Variants in SMIM22 observed in about 807,000 individuals in gnomAD.
SMIM22 encodes cancer associated small integral membrane open reading frame 1.
SMIM22 carries 16 observed loss-of-function variants against 8.4 expected under a neutral mutation model. That is an observed-to-expected ratio of 1.90 (90% CI 1.29 to 2.89). The LOEUF (loss-of-function observed/expected upper bound fraction) is 2.89. SMIM22 is among the 30% of genes most tolerant of loss of function. The pLI is 0.00. For missense variants in SMIM22, 159 were observed against 107.5 expected, an observed-to-expected ratio of 1.48 and a Z score of -2.12; for synonymous variants, 67 against 47.6, an observed-to-expected ratio of 1.41 and a Z score of -1.68.
At position 4,789,159 on chromosome 16, in the gene SMIM22, C is replaced by T. The variant is rs75200618; in HGVS notation, c.-146+388C>T. 9.2e-5 allele frequency among the ~76,000 whole-genome samples: 14 copies of T among 152,198 alleles called. No homozygotes were observed. In the East Asian group the frequency reaches 2.1e-3, roughly 23 times the overall value. ...TCAGCCTCCCAAGTAGCTGGATTAC[C>T]GGTGTGCACCACCACGCTAATTTTG... On this transcript the variant is annotated intron_variant, in intron 2 of 5. Coordinates refer to the SMIM22 transcript ENST00000589327.
Position 4,796,350 on chromosome 16 carries a change from T to C in SMIM22, c.*119T>C, listed in dbSNP as rs1209105138. The C allele has an allele frequency of 3.4e-6, 4 of 1,162,018 alleles. No individual in the cohort carries two copies. Among genetic ancestry groups the C allele is most frequent in the African/African-American group, 3.1e-5 (2 of 65,140 alleles). 72.0% of individuals were successfully genotyped at this position (1,162,018 alleles called of 1,614,324 possible). A position where few individuals can be genotyped will look rare whatever the true frequency, so the allele number is the denominator to read the frequency against. On this transcript the variant is annotated 3_prime_UTR_variant, in exon 4 of 4. Coordinates refer to ENST00000586005, the MANE Select transcript of SMIM22 (RefSeq NM_001253794.2). ...CGCGGGACTCGCCGCCCCACTCAGGTGGCCACCTGGCCTCTCCAAGCCTTC... is the reference window on the plus strand; with the variant it reads ...CGCGGGACTCGCCGCCCCACTCAGGCGGCCACCTGGCCTCTCCAAGCCTTC...
chr16:4,791,811 C>T (rs1219737816), upstream of SMIM22, among the ~76,000 whole-genome samples: 2 of 152,032 alleles, frequency 1.3e-5, no homozygotes, highest in Non-Finnish European at 2.9e-5. Flanking sequence ...CCTCAGCTTC[C>T]CGAGTAGCTG....
upstream of SMIM22, chr16:4,795,331 C>T (rs988692472): frequency 3.1e-4 from 63 of 200,830 alleles, no homozygotes; most frequent in Middle Eastern, 3.7e-3. Flanking sequence ...GCGGCCTCTG[C>T]TGGCCCTGGG....
upstream of SMIM22, among the ~76,000 whole-genome samples, chr16:4,794,017 G>A (rs1297985065): frequency 2.7e-5 from 4 of 150,210 alleles, no homozygotes; most frequent in African/African-American, 9.8e-5. Context: ...CTCACTACAG[G>A]CTCCGCCTCC....
upstream of SMIM22, among the ~76,000 whole-genome samples, chr16:4,794,325 T>A (rs943910684): frequency 5.9e-5 from 9 of 152,140 alleles, no homozygotes; most frequent in Non-Finnish European, 1.0e-4. Context: ...CCCAGGATGG[T>A]CTTGATCTCC....
upstream of SMIM22, among the ~76,000 whole-genome samples, chr16:4,793,222 A>G (rs1567586016): frequency 6.6e-6 from 1 of 151,788 alleles, no homozygotes; most frequent in African/African-American, 2.4e-5. Flanking sequence ...GAATGCCACC[A>G]CCCTCTAGAA....
chr16:4,795,428 G>A lies in SMIM22; in HGVS notation c.-42G>A, dbSNP rs984419421. ...TGCTCCCCAGGACCTGCCTGGTTGG[G>A]GGAATTGGAGGCTTCTAGGAGGTAG... On this transcript the variant is annotated 5_prime_UTR_variant, in exon 1 of 4. Coordinates refer to ENST00000586005, the MANE Select transcript of SMIM22 (RefSeq NM_001253794.2). 37 of 389,138 alleles carry A rather than the reference G, an allele frequency of 9.5e-5. No homozygotes were observed. The highest frequency in any genetic ancestry group is 5.9e-4 in the African/African-American group (28 of 47,624). The allele number at this position is 389,138 out of a possible 1,614,324, so 24.1% of individuals were successfully genotyped here.
chr16:4,795,924 C>T (rs2082634861), intron 2 of SMIM22, 24 bp from the exon 3 acceptor site: 3 of 1,522,746 alleles, frequency 2.0e-6, no homozygotes, highest in East Asian at 2.4e-5. Flanking sequence ...TGGGGCCACA[C>T]CTGGACGCCT....
exon 1 of SMIM22, chr16:4,788,462 T>A (rs1293881598): frequency 6.6e-6 from 1 of 152,196 alleles, no homozygotes; most frequent in Non-Finnish European, 1.5e-5. Flanking sequence ...ACCCTTCTAA[T>A]CCCCACAATG....
chr16:4,792,392 G>A (rs535132678), upstream of SMIM22, among the ~76,000 whole-genome samples: 19 of 150,250 alleles, frequency 1.3e-4, no homozygotes, highest in Non-Finnish European at 2.1e-4. Context: ...GGGTTTCACC[G>A]TGTTAGCCAG....
At chr16:4,791,199 G>T (rs150395754), upstream of SMIM22, among the ~76,000 whole-genome samples, 185 of 152,360 alleles carry the variant, frequency 1.2e-3, 1 homozygote, top group African/African-American at 4.4e-3. Context: ...CTGGGTGCCA[G>T]TAGGGACTGC....
intron 2 of SMIM22, among the ~76,000 whole-genome samples, chr16:4,789,349 G>A (rs2082512555): frequency 2.0e-5 from 3 of 146,852 alleles, no homozygotes; most frequent in African/African-American, 7.6e-5. Context: ...TTTTTGAGAC[G>A]GAGTCTCGCT....
At chr16:4,793,999 G>C (rs75000328), upstream of SMIM22, among the ~76,000 whole-genome samples, 1,727 of 151,346 alleles carry the variant, frequency 0.011, 126 homozygotes, top group East Asian at 0.21. Flanking sequence ...GCGGTGACAT[G>C]ATCTTGGCTC....
chr16:4,790,344 G>A (rs2082532909), intron 2 of SMIM22, among the ~76,000 whole-genome samples: 2 of 152,206 alleles, frequency 1.3e-5, no homozygotes, highest in Admixed American at 6.5e-5. Flanking sequence ...CTGTGTCTAA[G>A]TAAAACCGTA....
At chr16:4,793,688 C>G (rs912851565), upstream of SMIM22, among the ~76,000 whole-genome samples, 1 of 152,218 alleles carries the variant, frequency 6.6e-6, no homozygotes, top group Non-Finnish European at 1.5e-5. Flanking sequence ...AATCACATCT[C>G]TATTGGACAT....
At position 4,796,385 on chromosome 16, in the gene SMIM22, G is replaced by C; in HGVS notation, c.*154G>C. On this transcript the variant is annotated 3_prime_UTR_variant, in exon 4 of 4. Coordinates refer to ENST00000586005, the MANE Select transcript of SMIM22 (RefSeq NM_001253794.2). ...GCCTCTCCAAGCCTTCAGTCAGCAC[G>C]ACTGTGCCAGGTCATCCTCAGTCAC... 1.2e-6 allele frequency: 1 copy of C among 849,596 alleles called. No individual in the cohort carries two copies. The allele number at this position is 849,596 out of a possible 1,614,324, so 52.6% of individuals were successfully genotyped here. A position where few individuals can be genotyped will look rare whatever the true frequency, so the allele number is the denominator to read the frequency against.
chr16:4,790,846 G>T (rs186586579), upstream of SMIM22, among the ~76,000 whole-genome samples: 5 of 152,302 alleles, frequency 3.3e-5, no homozygotes, highest in Admixed American at 3.3e-4. Flanking sequence ...AGAGGTTAAG[G>T]GTGGGCCAGG....
At chr16:4,789,615 T>C (rs1247834721) in intron 2 of SMIM22, among the ~76,000 whole-genome samples, 2 of 152,170 alleles carry the variant, frequency 1.3e-5, no homozygotes, top group Non-Finnish European at 2.9e-5. Flanking sequence ...CGTTAGCCCC[T>C]GCGCCCAGCC....
chr16:4,796,145 G>A (rs764539044), intron 3 of SMIM22, 45 bp from the exon 4 acceptor site: 1 of 1,535,876 alleles, frequency 6.5e-7, no homozygotes, highest in East Asian at 2.4e-5. Flanking sequence ...TCCCCCTAGG[G>A]AACAACGAGC....
Sources: gnomAD v4.1 joint callset for allele counts (sites outside exome capture counted in the v4.1 genomes callset) on GRCh38, gnomAD v4.1.1 for gene constraint, MANE v1.5 for transcripts, NCBI Gene and HGNC (gene_info 2026-07-23, HGNC 2026-07-21) for gene names.